CLNK: variants seen among roughly 807,000 people sequenced by gnomAD.
CLNK encodes cytokine dependent hematopoietic cell linker, also known as cytokine-dependent hematopoietic cell linker.
CLNK carries 74 observed loss-of-function variants against 68.6 expected under a neutral mutation model. The ratio of observed to expected loss-of-function variants is 1.08; its 90% CI spans 0.89 to 1.31. CLNK has a LOEUF of 1.31. Ranked by LOEUF, CLNK falls within the 50% of genes most tolerant of loss-of-function variation. The probability of loss-of-function intolerance (pLI) is 0.00; values close to 1 mark genes in which losing one functional copy is unlikely to be tolerated. For missense variants in CLNK, 553 were observed against 515.3 expected (o/e 1.07, Z -0.71); for synonymous variants, 198 against 172.2 (o/e 1.15, Z -1.17).
intron 2 of CLNK, among the ~76,000 whole-genome samples, chr4:10,660,369 CA>C (rs1441303651): frequency 6.6e-6 from 1 of 152,112 alleles, no homozygotes; most frequent in African/African-American, 2.4e-5. Context: ...TATGATACTT[CA>C]AGTTAAAAAC....
rs377691581 is a variant in CLNK, at chr4:10,636,002, G to C, written c.11+31857C>G. On this transcript the variant is annotated intron_variant, in intron 2 of 18. Transcript: ENST00000226951. Reference sequence around the variant, plus strand: ...TGTGCAAACCACTAACTCCTGCCGTGGAACAAACACTATACTCAAAATAGA... The same window carrying C: ...TGTGCAAACCACTAACTCCTGCCGTCGAACAAACACTATACTCAAAATAGA... 12 of 152,200 alleles carry C rather than the reference G, an allele frequency of 7.9e-5. No individual in the cohort carries two copies. The East Asian group carries it at 1.2e-3, about 15-fold the overall frequency. The allele number at this position is 152,200 out of a possible 1,614,324, so 9.4% of individuals were successfully genotyped here.
chr4:10,699,512 A>ATATATATATATATTTTTTTT, the CLNK span, among the ~76,000 whole-genome samples: 1 of 32,754 alleles, frequency 3.1e-5, no homozygotes, highest in Admixed American at 4.8e-4. Context: ...ATATATATAT[A>ATATATATATATATTTTTTTT]TTTTTTTTTT....
intron 4 of CLNK, among the ~76,000 whole-genome samples, chr4:10,582,028 C>A (rs1720802780): frequency 6.6e-6 from 1 of 152,188 alleles, no homozygotes; most frequent in African/African-American, 2.4e-5. Context: ...AGAAAATATT[C>A]ATTTTCAACT....
chr4:10,528,180 G>T (rs1467499114), intron 12 of CLNK, 86 bp from the exon 13 acceptor site: 3 of 581,450 alleles, frequency 5.2e-6, no homozygotes, highest in Non-Finnish European at 7.7e-6. Context: ...TAGAGCATTT[G>T]GTTGGCAGAC....
At chr4:10,721,292 T>A in the CLNK span, among the ~76,000 whole-genome samples, 3 of 152,086 alleles carry the variant, frequency 2.0e-5, no homozygotes, top group Admixed American at 1.3e-4. Context: ...CTGATGGTGA[T>A]ATCGTATAAT....
At chr4:10,652,492 C>T (rs1009572942) in intron 2 of CLNK, among the ~76,000 whole-genome samples, 2 of 150,202 alleles carry the variant, frequency 1.3e-5, no homozygotes, top group African/African-American at 4.9e-5. Context: ...AGAAAAGTGT[C>T]AATATAAAAT....
chr4:10,505,525 A>G (rs996676491), intron 17 of CLNK, among the ~76,000 whole-genome samples: 9 of 152,226 alleles, frequency 5.9e-5, no homozygotes, highest in African/African-American at 2.2e-4. Context: ...GTATTCTCTT[A>G]TAGTTCTGGA....
At chr4:10,651,242 T>G (rs1489112691) in intron 2 of CLNK, among the ~76,000 whole-genome samples, 2 of 152,206 alleles carry the variant, frequency 1.3e-5, no homozygotes, top group South Asian at 4.1e-4. Context: ...TCAAGACACA[T>G]GCACACATAT....
At chr4:10,629,050 G>A (rs1156443031) in intron 2 of CLNK, among the ~76,000 whole-genome samples, 2 of 152,084 alleles carry the variant, frequency 1.3e-5, no homozygotes, top group East Asian at 1.9e-4. Context: ...GTCCTTCAAC[G>A]GAAGTCCTCT....
rs573423777 is a variant in CLNK, at chr4:10,564,879, C to T, written c.293-102G>A. ...CTACAAACTCATTGGATCATTACAA[C>T]GTAAGTAAGAGCAAGCAATTCTGCT... On this transcript the variant is annotated intron_variant, in intron 6 of 18. Transcript: ENST00000226951. 11 of 742,536 alleles carry T rather than the reference C, an allele frequency of 1.5e-5. No individual in the cohort carries two copies. The African/African-American group carries it at 1.6e-4, about 10-fold the overall frequency. 46.0% of individuals were successfully genotyped at this position (742,536 alleles called of 1,614,324 possible).
At chr4:10,707,046 G>T in the CLNK span, among the ~76,000 whole-genome samples, 3 of 151,894 alleles carry the variant, frequency 2.0e-5, no homozygotes, top group South Asian at 2.1e-4. Context: ...CCTCCAAAGT[G>T]CTGGGATTAC....
chr4:10,725,669 T>C, the CLNK span, among the ~76,000 whole-genome samples: 2,111 of 152,166 alleles, frequency 0.014, 40 homozygotes, highest in African/African-American at 0.043. Context: ...CTGGCTAACA[T>C]GGTGAAACAC....
intron 2 of CLNK, among the ~76,000 whole-genome samples, chr4:10,664,776 C>G (rs1028441545): frequency 1.3e-5 from 2 of 152,230 alleles, no homozygotes; most frequent in Non-Finnish European, 2.9e-5. Context: ...CTCAGGACAC[C>G]CTGGACAGGA....
At chr4:10,705,611 T>C in the CLNK span, among the ~76,000 whole-genome samples, 3 of 152,206 alleles carry the variant, frequency 2.0e-5, no homozygotes, top group African/African-American at 7.2e-5. Context: ...GTTGTATCAC[T>C]CTCACCCCCT....
Position 10,490,472 on chromosome 4 carries a change from G to A in CLNK, c.1282C>T (p.Leu428=), listed in dbSNP as rs749717972. The A allele has an allele frequency of 2.5e-6, 4 of 1,613,378 alleles. No individual in the cohort carries two copies. In the East Asian group the frequency reaches 8.9e-5, roughly 36 times the overall value. Reference sequence around the variant, plus strand: ...AAGATAACACAAAGACCAGGCTACAGAGGCAAGAGGTGTCTGGTGAGAGGG... The same window carrying A: ...AAGATAACACAAAGACCAGGCTACAAAGGCAAGAGGTGTCTGGTGAGAGGG... ...PLPLTRHLLP[L] Residue 428 remains leucine, a synonymous_variant, in exon 19 of 19, where the codon CTG becomes TTG. Coordinates refer to ENST00000226951, the MANE Select transcript of CLNK (RefSeq NM_052964.4).
At chr4:10,681,070 T>C (rs1725078480) in intron 1 of CLNK, among the ~76,000 whole-genome samples, 2 of 152,152 alleles carry the variant, frequency 1.3e-5, no homozygotes, top group South Asian at 4.1e-4. Context: ...AGACCACCCA[T>C]AGCTCAGCAA....
At chr4:10,578,729 A>T (rs1436330818) in intron 4 of CLNK, among the ~76,000 whole-genome samples, 1 of 151,274 alleles carries the variant, frequency 6.6e-6, no homozygotes, top group Non-Finnish European at 1.5e-5. Flanking sequence ...GCACCACCAC[A>T]TCTGGCTAAT....
chr4:10,620,057 C>T (rs1354200002), intron 2 of CLNK, among the ~76,000 whole-genome samples: 1 of 152,212 alleles, frequency 6.6e-6, no homozygotes, highest in Non-Finnish European at 1.5e-5. Context: ...CCCTTCCTTT[C>T]TCTGCTCTTC....
intron 11 of CLNK, among the ~76,000 whole-genome samples, chr4:10,533,245 C>T (rs561520192): frequency 1.8e-4 from 28 of 152,212 alleles, no homozygotes; most frequent in African/African-American, 5.5e-4. Flanking sequence ...GGTGACAGAG[C>T]GTGACTCCAT....
Sources: allele counts gnomAD v4.1 joint callset (sites outside exome capture counted in the v4.1 genomes callset), GRCh38; gene constraint gnomAD v4.1.1; transcripts MANE v1.5; gene names NCBI Gene and HGNC (gene_info 2026-07-23, HGNC 2026-07-21).